Variants in HIVEP3 observed in about 807,000 individuals in gnomAD.
HIVEP3 encodes HIVEP zinc finger 3, also known as transcription factor HIVEP3.
In HIVEP3, 49 loss-of-function variants were observed where a neutral mutation model predicts 152.8. The ratio of observed to expected loss-of-function variants is 0.32; its 90% CI spans 0.26 to 0.41. The LOEUF (loss-of-function observed/expected upper bound fraction) is 0.41. Among genes scored for constraint, HIVEP3 ranks in the 10% least tolerant of loss-of-function variants. The probability of loss-of-function intolerance (pLI) is 1.00; values close to 1 mark genes in which losing one functional copy is unlikely to be tolerated. For missense variants in HIVEP3, 2,790 were observed against 3,103.3 expected (o/e 0.90, Z 2.40); for synonymous variants, 1,269 against 1,289.0 (o/e 0.98, Z 0.33).
At chr1:41,791,213 C>T (rs982764729) in intron 1 of HIVEP3, among the ~76,000 whole-genome samples, 12 of 152,038 alleles carry the variant, frequency 7.9e-5, no homozygotes, top group Admixed American at 7.9e-4. Context: ...CCTTCAATAG[C>T]TTGGGCTCCT....
chr1:41,751,323 C>CTTTTTTTTT (rs1426877286), intron 1 of HIVEP3, among the ~76,000 whole-genome samples: 5 of 25,456 alleles, frequency 2.0e-4, no homozygotes, highest in African/African-American at 5.1e-4. Flanking sequence ...AACTGACACA[C>CTTTTTTTTT]ATTTTTTTTT....
rs532457142 is a variant in HIVEP3, at chr1:41,533,433, T to C, written c.5208-8523A>G. 6.6e-6 allele frequency among the ~76,000 whole-genome samples: 1 copy of C among 152,156 alleles called. No individual in the cohort carries two copies. Among genetic ancestry groups the C allele is most frequent in the Non-Finnish European group, 1.5e-5 (1 of 68,002 alleles). On this transcript the variant is annotated intron_variant, in intron 5 of 8. Transcript: ENST00000372583. The surrounding 1 kb of genome is among the most constrained non-coding windows in gnomAD (Gnocchi z 4.3). Reference sequence around the variant, plus strand: ...CAAATCAACCAGCCCCAAGCCTCCCTGGGCCCAAATCCCGGGCCAGCTCTG... The same window carrying C: ...CAAATCAACCAGCCCCAAGCCTCCCCGGGCCCAAATCCCGGGCCAGCTCTG...
chr1:42,013,765 C>G (rs1208321846), intron 1 of HIVEP3, among the ~76,000 whole-genome samples: 7 of 152,146 alleles, frequency 4.6e-5, no homozygotes, highest in Admixed American at 1.3e-4. Flanking sequence ...TTAGTCCTTC[C>G]CAACAGCAGA....
chr1:41,625,460 C>A (rs1388927547), intron 3 of HIVEP3, among the ~76,000 whole-genome samples: 1 of 152,194 alleles, frequency 6.6e-6, no homozygotes, highest in Non-Finnish European at 1.5e-5. Context: ...GGCCCACAGG[C>A]AAGTTTGCCA....
At chr1:41,883,023 G>A (rs2124429350) in intron 1 of HIVEP3, among the ~76,000 whole-genome samples, 1 of 152,234 alleles carries the variant, frequency 6.6e-6, no homozygotes, top group East Asian at 1.9e-4. Flanking sequence ...TATTTAGGAG[G>A]CTTGGAGGTT....
intron 5 of HIVEP3, among the ~76,000 whole-genome samples, chr1:41,539,495 T>C (rs993067420): frequency 1.3e-5 from 2 of 152,242 alleles, no homozygotes; most frequent in African/African-American, 2.4e-5. Context: ...CAGGTGGGGC[T>C]GGACCTAGCC....
At chr1:41,686,092 G>A (rs1170809256) in intron 2 of HIVEP3, among the ~76,000 whole-genome samples, 2 of 151,568 alleles carry the variant, frequency 1.3e-5, no homozygotes, top group South Asian at 2.1e-4. Flanking sequence ...TTTTTTTTGA[G>A]ATGGAGTCTC....
At chr1:41,649,035 G>A (rs1190001238) in intron 2 of HIVEP3, among the ~76,000 whole-genome samples, 1 of 152,230 alleles carries the variant, frequency 6.6e-6, no homozygotes, top group East Asian at 1.9e-4. Flanking sequence ...GCATAGACCT[G>A]CTTTGGATCA....
intron 1 of HIVEP3, among the ~76,000 whole-genome samples, chr1:42,008,740 C>A (rs1645475978): frequency 6.6e-6 from 1 of 152,196 alleles, no homozygotes; most frequent in South Asian, 2.1e-4. Context: ...GTACAGCAGA[C>A]ACTACTGGCT....
intron 1 of HIVEP3, among the ~76,000 whole-genome samples, chr1:41,930,072 T>C (rs915209448): frequency 6.6e-6 from 1 of 152,168 alleles, no homozygotes; most frequent in African/African-American, 2.4e-5. Context: ...AATGAATTTA[T>C]GTTATACACG....
chr1:41,730,759 G>A (rs1646827579), intron 1 of HIVEP3, among the ~76,000 whole-genome samples: 1 of 152,242 alleles, frequency 6.6e-6, no homozygotes, highest in Admixed American at 6.5e-5. Context: ...CCAGTGGGAT[G>A]TGGGCAGCAT....
chr1:41,579,420 G>A (rs916628209), intron 4 of HIVEP3, among the ~76,000 whole-genome samples: 2 of 151,906 alleles, frequency 1.3e-5, no homozygotes, highest in Non-Finnish European at 2.9e-5. Flanking sequence ...TTCCAACTCA[G>A]TCTTTTGGAA....
chr1:41,740,879 G>A (rs146979834), intron 1 of HIVEP3, among the ~76,000 whole-genome samples: 187 of 152,350 alleles, frequency 1.2e-3, no homozygotes, highest in African/African-American at 4.2e-3. Context: ...GGACAGCCAG[G>A]CCTATACGAG....
intron 1 of HIVEP3, among the ~76,000 whole-genome samples, chr1:41,985,568 A>G (rs1334576791): frequency 6.6e-6 from 1 of 152,208 alleles, no homozygotes; most frequent in African/African-American, 2.4e-5. Context: ...AGGGCGGATT[A>G]ATTAATTCCC....
chr1:41,961,459 G>A (rs1645169049), intron 1 of HIVEP3, among the ~76,000 whole-genome samples: 1 of 152,242 alleles, frequency 6.6e-6, no homozygotes, highest in African/African-American at 2.4e-5. Flanking sequence ...AATAGCACTT[G>A]CATCTTGTAT....
At chr1:41,842,786 G>C (rs1034473417) in intron 1 of HIVEP3, among the ~76,000 whole-genome samples, 2 of 152,158 alleles carry the variant, frequency 1.3e-5, no homozygotes, top group Non-Finnish European at 2.9e-5. Context: ...GGCAATTTTA[G>C]CTCTTTTTGC....
intron 1 of HIVEP3, among the ~76,000 whole-genome samples, chr1:41,714,076 C>G (rs1294865515): frequency 6.6e-6 from 1 of 152,144 alleles, no homozygotes; most frequent in Non-Finnish European, 1.5e-5. Flanking sequence ...TACAGGGGCC[C>G]GGGTTCTCAA....
chr1:41,851,533 C>T (rs923604914), intron 1 of HIVEP3, among the ~76,000 whole-genome samples: 1 of 152,052 alleles, frequency 6.6e-6, no homozygotes. Context: ...AATCTCTTGA[C>T]CTCGTGATCT....
chr1:41,652,826 A>G (rs1570229992), intron 2 of HIVEP3, among the ~76,000 whole-genome samples: 1 of 152,156 alleles, frequency 6.6e-6, no homozygotes. Context: ...GGCATTTTAA[A>G]ATAAGGTTCT....
Sources: allele counts gnomAD v4.1 joint callset (sites outside exome capture counted in the v4.1 genomes callset), GRCh38; gene constraint gnomAD v4.1.1; non-coding constraint Gnocchi (gnomAD v3.1); transcripts MANE v1.5; gene names NCBI Gene and HGNC (gene_info 2026-07-23, HGNC 2026-07-21).